The following RYR2 variants were observed in gnomAD, a reference collection of about 807,000 sequenced individuals.
The protein encoded by RYR2 is ryanodine receptor 2.
A neutral mutation model predicts 601.1 loss-of-function variants in RYR2; 227 were observed. That is an observed-to-expected ratio of 0.38 (90% CI 0.34 to 0.42). The LOEUF is 0.42. RYR2 is among the 10% of genes least tolerant of loss of function. RYR2 has a pLI of 1.00. For missense variants in RYR2, 4,646 were observed against 6,156.5 expected, an observed-to-expected ratio of 0.75 and a Z score of 8.21; for synonymous variants, 2,223 against 2,175.1, an observed-to-expected ratio of 1.02 and a Z score of -0.61.
chr1:237,637,009 C>T (rs909374010), intron 44 of RYR2, among the ~76,000 whole-genome samples: 4 of 152,154 alleles, frequency 2.6e-5, no homozygotes, highest in Middle Eastern at 3.4e-3. Flanking sequence ...GAGAGAAAAC[C>T]GATTGTCTGG....
At chr1:237,349,129 T>C (rs59327914) in intron 3 of RYR2, among the ~76,000 whole-genome samples, 3 of 152,142 alleles carry the variant, frequency 2.0e-5, no homozygotes, top group East Asian at 3.8e-4. Flanking sequence ...CTAAGGAATA[T>C]TAATACTTAT....
chr1:237,664,553 C>T (rs969162707), intron 56 of RYR2, among the ~76,000 whole-genome samples: 4 of 152,152 alleles, frequency 2.6e-5, no homozygotes, highest in Non-Finnish European at 4.4e-5. Context: ...AGGGGTTTCC[C>T]CTTATGAAAC....
At chr1:237,505,973 A>G (rs1241317756) in intron 22 of RYR2, among the ~76,000 whole-genome samples, 1 of 152,082 alleles carries the variant, frequency 6.6e-6, no homozygotes, top group African/African-American at 2.4e-5. Context: ...ATCAATCACT[A>G]GTCAGACATT....
At chr1:237,205,123 C>T (rs980795428) in intron 1 of RYR2, among the ~76,000 whole-genome samples, 1 of 152,198 alleles carries the variant, frequency 6.6e-6, no homozygotes, top group African/African-American at 2.4e-5. Context: ...GCATAAGTAA[C>T]GTTAGCCTCT....
chr1:237,179,329 T>C (rs1678435336), intron 1 of RYR2, among the ~76,000 whole-genome samples: 1 of 152,122 alleles, frequency 6.6e-6, no homozygotes, highest in Admixed American at 6.5e-5. Context: ...AACTCAGTCT[T>C]TCTCATTATA....
At chr1:237,248,264 T>TC (rs1388917229) in intron 1 of RYR2, among the ~76,000 whole-genome samples, 98 of 5,818 alleles carry the variant, frequency 0.017, 14 homozygotes, top group Admixed American at 0.044. Flanking sequence ...AGAGCAAGAC[T>TC]CCACCCCCCG....
chr1:237,819,157 TC>T lies in RYR2; in HGVS notation c.14556del (p.Phe4853LeufsTer9). The T allele has an allele frequency of 6.2e-7, 1 of 1,613,852 alleles. No individual in the cohort carries two copies. Among genetic ancestry groups the T allele is most frequent in the Non-Finnish European group, 8.5e-7 (1 of 1,179,748 alleles). ...ATCATCTTTGACATCACTTTCTTCT[TC>T]TTTGTTATTGTCATTCTCTTGGCCA... is the stretch of plus-strand genomic sequence containing the variant. ...YRIIFDITFF[F>X]FVIVILLAII... is the part of the protein sequence containing the mutation. On this transcript the variant is annotated frameshift_variant, in exon 101 of 105. Coordinates refer to ENST00000366574, the MANE Select transcript of RYR2 (RefSeq NM_001035.3). LOFTEE classifies it high-confidence loss of function. This position sits in a 1 kb window ranked among gnomAD's most constrained non-coding sequence, Gnocchi z 4.0.
intron 25 of RYR2, among the ~76,000 whole-genome samples, chr1:237,546,618 C>T (rs1336994935): frequency 6.6e-6 from 1 of 151,880 alleles, no homozygotes; most frequent in African/African-American, 2.4e-5. Context: ...TGACCTCAAG[C>T]GATCCACCTG....
intron 1 of RYR2, among the ~76,000 whole-genome samples, chr1:237,132,922 G>C (rs1168818855): frequency 6.6e-6 from 1 of 151,900 alleles, no homozygotes; most frequent in African/African-American, 2.4e-5. Flanking sequence ...TTAATGCAGT[G>C]TTCAGGTAGA....
intron 10 of RYR2, among the ~76,000 whole-genome samples, chr1:237,398,690 A>G (rs1055323495): frequency 6.6e-6 from 1 of 152,228 alleles, no homozygotes; most frequent in African/African-American, 2.4e-5. Flanking sequence ...GCAGTTTCTT[A>G]AAAAACTGAA....
chr1:237,292,914 C>T (rs1326977802), intron 2 of RYR2, among the ~76,000 whole-genome samples: 1 of 151,912 alleles, frequency 6.6e-6, no homozygotes, highest in Non-Finnish European at 1.5e-5. Context: ...TTACTAAAGT[C>T]TCTTAGTTAT....
chr1:237,318,640 GTCTTC>G (rs1695328005), intron 2 of RYR2, among the ~76,000 whole-genome samples: 1 of 152,036 alleles, frequency 6.6e-6, no homozygotes, highest in African/African-American at 2.4e-5. Flanking sequence ...ACTGCCTTCT[GTCTTC>G]TCTTTTGTCA....
At chr1:237,751,317 C>T (rs1370532989) in intron 80 of RYR2, among the ~76,000 whole-genome samples, 2 of 152,150 alleles carry the variant, frequency 1.3e-5, no homozygotes, top group Non-Finnish European at 2.9e-5. Flanking sequence ...ATCAATATTG[C>T]ATTTAGAGAT....
chr1:237,123,824 C>T (rs535303110), intron 1 of RYR2, among the ~76,000 whole-genome samples: 6 of 151,814 alleles, frequency 4.0e-5, no homozygotes, highest in East Asian at 2.0e-4. Context: ...CCCGCCACCG[C>T]GCCCGGCTAA....
In RYR2 at chr1:237,405,157, A is replaced by G. The variant is rs558741680; in HGVS notation, c.774-11892A>G. On this transcript the variant is annotated intron_variant, in intron 10 of 104. Coordinates refer to ENST00000366574, the MANE Select transcript of RYR2 (RefSeq NM_001035.3). The stretch of plus-strand genomic sequence containing the variant: ...GATTACACAGGAATAGACTACCAAA[A>G]CATTCTGTGTGACATCACCTTGGGA... Among the ~76,000 whole-genome samples, 8 of 152,354 alleles carry G rather than the reference A, an allele frequency of 5.3e-5. No individual in the cohort carries two copies. The South Asian group carries it at 1.2e-3, about 24-fold the overall frequency.
chr1:237,214,024 G>A (rs1188277758), intron 1 of RYR2, among the ~76,000 whole-genome samples: 4 of 145,000 alleles, frequency 2.8e-5, no homozygotes, highest in South Asian at 2.3e-4. Context: ...AGGTTTAAGC[G>A]ATCCTCGTGC....
At chr1:237,648,071 T>C (rs1437557460) in intron 48 of RYR2, among the ~76,000 whole-genome samples, 1 of 152,242 alleles carries the variant, frequency 6.6e-6, no homozygotes, top group African/African-American at 2.4e-5. Flanking sequence ...TATTCATGTT[T>C]AAAACAGGCT....
chr1:237,643,449 T>G lies in RYR2; in HGVS notation c.7342+2T>G. On this transcript the variant is annotated splice_donor_variant, in intron 48 of 104. Transcript: ENST00000366574. LOFTEE classifies it high-confidence loss of function. ...TTCAGATGCCAACAATAGCCAAAGG[T>G]AAGGCCAACTTCAATTTGTCCTAAT... is the stretch of plus-strand genomic sequence containing the variant. The G allele has an allele frequency of 6.2e-7, 1 of 1,613,832 alleles. No homozygotes were observed. Among genetic ancestry groups the G allele is most frequent in the Non-Finnish European group, 8.5e-7 (1 of 1,179,812 alleles).
intron 62 of RYR2, among the ~76,000 whole-genome samples, chr1:237,681,123 A>T (rs1685840638): frequency 6.6e-6 from 1 of 152,222 alleles, no homozygotes; most frequent in Non-Finnish European, 1.5e-5. Flanking sequence ...TGCTGGGGAT[A>T]TCAGGTCCTT....
Sources: gnomAD v4.1 joint callset for allele counts (sites outside exome capture counted in the v4.1 genomes callset) on GRCh38, gnomAD v4.1.1 for gene constraint, Gnocchi (gnomAD v3.1) non-coding constraint, MANE v1.5 for transcripts, NCBI Gene and HGNC (gene_info 2026-07-23, HGNC 2026-07-21) for gene names.